VAPA: variants seen among roughly 807,000 people sequenced by gnomAD.
The protein encoded by VAPA is VAMP associated protein A.
Under a neutral mutation model 25.6 loss-of-function variants are expected in VAPA, and 6 were observed. That is an observed-to-expected ratio of 0.23 (90% CI 0.13 to 0.46). VAPA has a LOEUF of 0.46. VAPA is among the 20% of genes least tolerant of loss of function. VAPA has a pLI of 0.99. For synonymous variants in VAPA, 112 were observed against 106.2 expected (o/e 1.05, Z -0.34); for missense variants, 244 against 302.1 (o/e 0.81, Z 1.43).
At chr18:9,934,891 G>A (rs1315106980) in intron 2 of VAPA, among the ~76,000 whole-genome samples, 2 of 151,614 alleles carry the variant, frequency 1.3e-5, no homozygotes, top group African/African-American at 4.8e-5. Flanking sequence ...TCAGGAGATC[G>A]AGACCATCCT....
At chr18:9,917,945 T>C (rs964364624) in intron 1 of VAPA, among the ~76,000 whole-genome samples, 1 of 152,190 alleles carries the variant, frequency 6.6e-6, no homozygotes, top group Admixed American at 6.5e-5. Flanking sequence ...TTTAATCATA[T>C]ATTACTCCAT....
At chr18:9,941,800 C>G (rs1263173161) in intron 4 of VAPA, among the ~76,000 whole-genome samples, 1 of 152,128 alleles carries the variant, frequency 6.6e-6, no homozygotes, top group Non-Finnish European at 1.5e-5. Flanking sequence ...ATGCTGAATC[C>G]TGACTTACAC....
rs2069554058 is a variant in VAPA, at chr18:9,956,607, A to AT, written c.*2401dup. On this transcript the variant is annotated 3_prime_UTR_variant, in exon 6 of 6. Coordinates refer to ENST00000400000, the MANE Select transcript of VAPA (RefSeq NM_194434.3). ...GTATAGGTGAGACTCTGTTTCTGTT[A>AT]TTTTTAATTGCTGTATGAAATGTGA... The AT allele has an allele frequency of 6.6e-6, 1 of 152,564 alleles. No homozygotes were observed. 9.5% of individuals were successfully genotyped at this position (152,564 alleles called of 1,614,324 possible).
chr18:9,938,229 T>C (rs2069330839), intron 4 of VAPA, among the ~76,000 whole-genome samples: 1 of 152,202 alleles, frequency 6.6e-6, no homozygotes, highest in African/African-American at 2.4e-5. Flanking sequence ...ACTGAGAGTT[T>C]TATGTCATTT....
chr18:9,950,064 A>G (rs889770494), intron 4 of VAPA: 2 of 216,466 alleles, frequency 9.2e-6, no homozygotes, highest in Non-Finnish European at 1.8e-5. Flanking sequence ...CTTTCATTGA[A>G]TAACTACTCT....
rs775196067 is a variant in VAPA at position 9,914,337 on chromosome 18, T to C, written c.79+2T>C. The C allele has an allele frequency of 1.7e-5, 27 of 1,575,260 alleles. No homozygotes were observed. The highest frequency in any genetic ancestry group is 5.1e-5 in the East Asian group (2 of 39,134). On this transcript the variant is annotated splice_donor_variant, in intron 1 of 5. Coordinates refer to ENST00000400000, the MANE Select transcript of VAPA (RefSeq NM_194434.3). LOFTEE classifies it high-confidence loss of function. ...CGCCCACAGACCTCAAATTCAAAGG[T>C]AGGCAGAACGGGGACACCCCCGGGT...
At chr18:9,946,579 T>C (rs2069426495) in intron 4 of VAPA, among the ~76,000 whole-genome samples, 1 of 151,920 alleles carries the variant, frequency 6.6e-6, no homozygotes. Flanking sequence ...GCCAGAAGAT[T>C]GGACACCCGT....
At chr18:9,950,194 A>G (rs1272217013) in intron 4 of VAPA, 11 of 535,576 alleles carry the variant, frequency 2.1e-5, no homozygotes, top group South Asian at 2.1e-4. Flanking sequence ...ATAAAGTGCT[A>G]TGGTAGAGGT....
rs533641191 is a variant in VAPA, at chr18:9,930,699, T to A, written c.80-1111T>A. Among the ~76,000 whole-genome samples, 863 of 150,406 alleles carry A rather than the reference T, an allele frequency of 5.7e-3. 6 individuals are homozygous for A. Among genetic ancestry groups the A allele is most frequent in the Middle Eastern group, 6.9e-3 (2 of 288 alleles). On this transcript the variant is annotated intron_variant, in intron 1 of 5. Transcript: ENST00000400000. ...CTTTGTCATATGTATGCTTTTTTTT[T>A]AAAAAAAAAATGCAGACCTGTTAGT...
At chr18:9,920,111 G>A (rs1207173477) in intron 1 of VAPA, among the ~76,000 whole-genome samples, 1 of 152,144 alleles carries the variant, frequency 6.6e-6, no homozygotes, top group East Asian at 1.9e-4. Flanking sequence ...CATCTTATTT[G>A]GGGGTGTGTG....
intron 4 of VAPA, among the ~76,000 whole-genome samples, chr18:9,946,940 T>A (rs2069430814): frequency 6.6e-6 from 1 of 152,224 alleles, no homozygotes. Context: ...ATTTTTTAAA[T>A]AAGATTTTTA....
In VAPA at chr18:9,954,044, T is replaced by C. The variant is rs2069516955; in HGVS notation, c.592-9T>C. The C allele has an allele frequency of 6.2e-7, 1 of 1,613,216 alleles. No homozygotes were observed. Among genetic ancestry groups the C allele is most frequent in the East Asian group, 2.2e-5 (1 of 44,860 alleles). ...TTAAAAACCTTTTGTGTGTGTGTTT[T>C]TTTTCTAGGATGAAGGTTTAAGGCT... On this transcript the variant is annotated splice_polypyrimidine_tract_variant and intron_variant, in intron 5 of 5. Transcript: ENST00000400000.
rs770302975 is a variant in VAPA, at chr18:9,956,387, A to G, written c.*2176A>G. The G allele has an allele frequency of 2.0e-5, 3 of 152,258 alleles. No homozygotes were observed. The highest frequency in any genetic ancestry group is 2.9e-5 in the Non-Finnish European group (2 of 68,042). 9.4% of individuals were successfully genotyped at this position (152,258 alleles called of 1,614,324 possible). The stretch of plus-strand genomic sequence containing the variant: ...GACTACTACCGGCTTACTGTTGAAT[A>G]GTTTGGTTATAGTGTTTAGGCTAGA... On this transcript the variant is annotated 3_prime_UTR_variant, in exon 6 of 6. Transcript: ENST00000400000.
rs978659600 is a variant in VAPA, at chr18:9,954,624, C to G, written c.*413C>G. 10 of 156,314 alleles carry G rather than the reference C, an allele frequency of 6.4e-5. No homozygotes were observed. Among genetic ancestry groups the G allele is most frequent in the Non-Finnish European group, 1.3e-4 (9 of 70,856 alleles). 9.7% of individuals were successfully genotyped at this position (156,314 alleles called of 1,614,324 possible). On this transcript the variant is annotated 3_prime_UTR_variant, in exon 6 of 6. Transcript: ENST00000400000. ...ATTTAGATTGCTAATCCCACTCATT[C>G]AGGAAATGCCAAGAGGTATTCCTTG...
At chr18:9,936,480 A>G (rs1464189674) in intron 3 of VAPA, 3 of 251,540 alleles carry the variant, frequency 1.2e-5, no homozygotes, top group Non-Finnish European at 2.2e-5. Context: ...GGAGGCCAAG[A>G]TGGGAGTATC....
At position 9,944,978 on chromosome 18, in the gene VAPA, A is replaced by T. The variant is rs928798247; in HGVS notation, c.418-5417A>T. The T allele has an allele frequency of 7.4e-6, 12 of 1,614,062 alleles. No individual in the cohort carries two copies. In the Admixed American group the frequency reaches 1.7e-4, roughly 22 times the overall value. On this transcript the variant is annotated intron_variant, in intron 4 of 5. Coordinates refer to ENST00000400000, the MANE Select transcript of VAPA (RefSeq NM_194434.3). ...TGTCACTTCAATGAGCAGCATCAAC[A>T]ACACAGTTGCAACACCTGCCAGTTA...
rs745663449 is a variant in VAPA at position 9,950,593 on chromosome 18, A to T, written c.591+25A>T. ...AGTAAGTTCTGTTGGTTGAAAATAA[A>T]TTGATTGAAATGAAGGTATAGGACA... On this transcript the variant is annotated intron_variant, in intron 5 of 5. Transcript: ENST00000400000. The T allele has an allele frequency of 5.6e-6, 9 of 1,603,502 alleles. No homozygotes were observed. In the East Asian group the frequency reaches 2.0e-4, roughly 36 times the overall value.
chr18:9,931,146 A>G (rs29164), intron 1 of VAPA, among the ~76,000 whole-genome samples: 1 of 152,168 alleles, frequency 6.6e-6, no homozygotes, highest in Non-Finnish European at 1.5e-5. Context: ...CCAAATTAAC[A>G]GGTATTTATT....
At chr18:9,916,632 A>G (rs1324007999) in intron 1 of VAPA, among the ~76,000 whole-genome samples, 1 of 152,184 alleles carries the variant, frequency 6.6e-6, no homozygotes, top group East Asian at 1.9e-4. Context: ...TCAAAGGTAA[A>G]TTGTTGGCTT....
Sources: allele counts gnomAD v4.1 joint callset (sites outside exome capture counted in the v4.1 genomes callset), GRCh38; gene constraint gnomAD v4.1.1; transcripts MANE v1.5; gene names NCBI Gene and HGNC (gene_info 2026-07-23, HGNC 2026-07-21).